Variants in INSC observed in about 807,000 individuals in gnomAD.
INSC encodes protein inscuteable homolog.
INSC carries 67 observed loss-of-function variants against 58.6 expected under a neutral mutation model. The observed-to-expected ratio is 1.14, with a 90% CI of 0.94 to 1.40. The LOEUF (loss-of-function observed/expected upper bound fraction) is 1.40, where lower values mean the gene tolerates loss of function less well. Among genes scored for constraint, INSC ranks in the 40% most tolerant of loss-of-function variants. The pLI is 0.00. For synonymous variants in INSC, 262 were observed against 276.1 expected, an observed-to-expected ratio of 0.95 and a Z score of 0.51; for missense variants, 714 against 692.0, an observed-to-expected ratio of 1.03 and a Z score of -0.36.
intron 1 of INSC, among the ~76,000 whole-genome samples, chr11:15,142,702 GC>G (rs1848399393): frequency 6.6e-6 from 1 of 152,162 alleles, no homozygotes; most frequent in Non-Finnish European, 1.5e-5. Flanking sequence ...GAGGGAGGCT[GC>G]CTAGCTGGGT....
At chr11:15,117,827 G>T (rs1487695959) in intron 1 of INSC, among the ~76,000 whole-genome samples, 4 of 152,100 alleles carry the variant, frequency 2.6e-5, no homozygotes, top group South Asian at 2.1e-4. Context: ...TGTCTTGGAG[G>T]TTTTTTTCCT....
At chr11:15,112,921 T>A (rs1164256982), upstream of INSC, among the ~76,000 whole-genome samples, 2 of 152,032 alleles carry the variant, frequency 1.3e-5, no homozygotes, top group Admixed American at 6.6e-5. Context: ...TGTTCCCCAA[T>A]GTACATATGG....
intron 1 of INSC, among the ~76,000 whole-genome samples, chr11:15,145,945 T>G (rs1457102972): frequency 1.3e-5 from 2 of 152,166 alleles, no homozygotes; most frequent in Non-Finnish European, 2.9e-5. Flanking sequence ...CAGGCTCTTA[T>G]CTTCATCTGC....
the INSC span, among the ~76,000 whole-genome samples, chr11:15,261,417 C>T: frequency 1.2e-4 from 18 of 152,144 alleles, no homozygotes; most frequent in Admixed American, 3.9e-4. Flanking sequence ...AAATTCTAAT[C>T]TTTAAAGTAT....
chr11:15,195,206 C>G lies in INSC; in HGVS notation c.693+4392C>G, dbSNP rs1850324686. ...TTGTCTTGGTGCTGTGGGGGAACAG[C>G]CAACAGCTCCAACCTCTGAGCTGAA... On this transcript the variant is annotated intron_variant, in intron 6 of 12. Coordinates refer to ENST00000379556, the MANE Select transcript of INSC (RefSeq NM_001042536.3). Among the ~76,000 whole-genome samples, 2 of 152,096 alleles carry G rather than the reference C, an allele frequency of 1.3e-5. 1 individual carries two copies. Among genetic ancestry groups the G allele is most frequent in the South Asian group, 4.1e-4 (2 of 4,822 alleles).
In INSC at chr11:15,157,578, G is replaced by T. The variant is rs1454340488; in HGVS notation, c.56+8348G>T. On this transcript the variant is annotated intron_variant, in intron 2 of 12. Coordinates refer to ENST00000379556, the MANE Select transcript of INSC (RefSeq NM_001042536.3). ...TGTGTAATCAGACTTTTCATAGTGG[G>T]GTCAAGCAGCAAATCCAGTAGGAGA... Among the ~76,000 whole-genome samples, 5 of 152,250 alleles carry T rather than the reference G, an allele frequency of 3.3e-5. No homozygotes were observed. In the East Asian group the frequency reaches 9.7e-4, roughly 29 times the overall value.
intron 9 of INSC, among the ~76,000 whole-genome samples, chr11:15,229,466 C>T (rs1270828790): frequency 2.6e-5 from 4 of 152,166 alleles, no homozygotes; most frequent in Non-Finnish European, 5.9e-5. Flanking sequence ...TTTGAGTTCA[C>T]ATTCTGGTTC....
At chr11:15,114,508 G>A (rs1847642978), upstream of INSC, among the ~76,000 whole-genome samples, 1 of 152,168 alleles carries the variant, frequency 6.6e-6, no homozygotes, top group Non-Finnish European at 1.5e-5. Flanking sequence ...CAGCTCCAAG[G>A]GAAACGATCG....
At chr11:15,218,123 G>A (rs947027416) in intron 7 of INSC, among the ~76,000 whole-genome samples, 5 of 152,198 alleles carry the variant, frequency 3.3e-5, no homozygotes, top group African/African-American at 1.2e-4. Context: ...AAGCTGGGAA[G>A]CCACTCAGAC....
chr11:15,268,698 C>A, the INSC span, among the ~76,000 whole-genome samples: 2 of 152,084 alleles, frequency 1.3e-5, no homozygotes, highest in South Asian at 4.1e-4. Flanking sequence ...AAGCCCCATG[C>A]TACTTGTTGT....
chr11:15,179,017 T>C (rs1001427753), intron 5 of INSC, among the ~76,000 whole-genome samples: 8 of 152,214 alleles, frequency 5.3e-5, no homozygotes, highest in African/African-American at 1.9e-4. Flanking sequence ...TCATATAGTC[T>C]AGCCCCTGCC....
rs144967758 is a variant in INSC at position 15,140,837 on chromosome 11, G to A, written c.-45-8293G>A. On this transcript the variant is annotated intron_variant, in intron 1 of 12. Coordinates refer to ENST00000379556, the MANE Select transcript of INSC (RefSeq NM_001042536.3). Reference sequence around the variant, plus strand: ...TGGCTTCAGGTGACCCTCTTGCCTCGGTCTCTCAAAGTGCTGGGATTGCAG... The same window carrying A: ...TGGCTTCAGGTGACCCTCTTGCCTCAGTCTCTCAAAGTGCTGGGATTGCAG... Among the ~76,000 whole-genome samples the A allele has an allele frequency of 1.6e-4, 24 of 151,876 alleles. No homozygotes were observed. The South Asian group carries it at 2.3e-3, about 15-fold the overall frequency.
At chr11:15,208,316 G>A (rs1253569397) in intron 7 of INSC, among the ~76,000 whole-genome samples, 2 of 152,162 alleles carry the variant, frequency 1.3e-5, no homozygotes, top group South Asian at 2.1e-4. Flanking sequence ...ATGGGCTAAG[G>A]CTTTGCAGAG....
chr11:15,137,983 C>T (rs760499863), intron 1 of INSC, among the ~76,000 whole-genome samples: 1 of 152,158 alleles, frequency 6.6e-6, no homozygotes, highest in Non-Finnish European at 1.5e-5. Context: ...TGTGACTCTT[C>T]CTTTCACTTG....
intron 10 of INSC, 83 bp from the exon 11 acceptor site, chr11:15,238,836 C>G: frequency 1.4e-6 from 2 of 1,447,910 alleles, no homozygotes; most frequent in Non-Finnish European, 1.9e-6. Flanking sequence ...TTTGCTTGCA[C>G]CCTGCAGCCA....
chr11:15,175,983 G>A lies in INSC; in HGVS notation c.299G>A (p.Trp100Ter), dbSNP rs1254603661. ...GGGCAGAAGCTGGCCCAGGACCGCT[G>A]GGCACGGGTGCACAGCATGAGCGTG... is the stretch of plus-strand genomic sequence containing the variant. The part of the protein sequence containing the change: ...RIGQKLAQDR[W>*]ARVHSMSVRL... The change falls in exon 3 of 13, where the codon TGG becomes TAG. Residue 100 changes from tryptophan (W) to a stop codon, truncating the protein, a stop_gained. Coordinates refer to ENST00000379556, the MANE Select transcript of INSC (RefSeq NM_001042536.3). LOFTEE classifies it high-confidence loss of function. The A allele has an allele frequency of 3.7e-6, 6 of 1,611,912 alleles. No homozygotes were observed. Among genetic ancestry groups the A allele is most frequent in the Non-Finnish European group, 5.1e-6 (6 of 1,179,030 alleles).
At chr11:15,256,679 G>A in the INSC span, among the ~76,000 whole-genome samples, 91 of 152,104 alleles carry the variant, frequency 6.0e-4, no homozygotes, top group Non-Finnish European at 7.8e-4. Context: ...TAGTAGAGAT[G>A]GGGTTTCACC....
rs1348527627 is a variant in INSC at position 15,190,718 on chromosome 11, T to G, written c.597T>G (p.Ile199Met). 6.2e-7 allele frequency: 1 copy of G among 1,613,690 alleles called. No individual in the cohort carries two copies. Among genetic ancestry groups the G allele is most frequent in the Non-Finnish European group, 8.5e-7 (1 of 1,179,642 alleles). ...CTTCTTAGGCACTGGTGAGAAAAATTGATGCCTCAGACAATATCTACACCA... is the reference window on the plus strand; with the variant it reads ...CTTCTTAGGCACTGGTGAGAAAAATGGATGCCTCAGACAATATCTACACCA... The part of the protein sequence containing the change: ...TREVQALVRK[I>M]DASDNIYTTE... The change falls in exon 6 of 13, where the codon ATT becomes ATG. Residue 199 changes from isoleucine to methionine, a missense_variant. Ile to Met is a conservative substitution (Grantham distance 10). Transcript: ENST00000379556.
chr11:15,155,985 T>A (rs2133768434), intron 2 of INSC, among the ~76,000 whole-genome samples: 1 of 152,174 alleles, frequency 6.6e-6, no homozygotes, highest in Admixed American at 6.5e-5. Context: ...GTGGTAGGCT[T>A]TGGGGAATGA....
Sources: allele counts gnomAD v4.1 joint callset (sites outside exome capture counted in the v4.1 genomes callset), GRCh38; gene constraint gnomAD v4.1.1; transcripts MANE v1.5; gene names NCBI Gene and HGNC (gene_info 2026-07-23, HGNC 2026-07-21).